DDX60L: variants seen among roughly 807,000 people sequenced by gnomAD.
DDX60L encodes DExD/H-box 60 like.
A neutral mutation model predicts 211.6 loss-of-function variants in DDX60L; 191 were observed. That is an observed-to-expected ratio of 0.90 (90% confidence interval 0.80 to 1.02). The LOEUF is 1.02. DDX60L is among the 50% of genes least tolerant of loss of function. The probability of loss-of-function intolerance (pLI) is 0.00; values close to 1 mark genes in which losing one functional copy is unlikely to be tolerated. For missense variants in DDX60L, 2,007 were observed against 1,984.1 expected, an observed-to-expected ratio of 1.01 and a Z score of -0.22; for synonymous variants, 706 against 694.1, an observed-to-expected ratio of 1.02 and a Z score of -0.27.
intron 28 of DDX60L, among the ~76,000 whole-genome samples, chr4:168,392,512 C>T (rs1328624592): frequency 1.3e-5 from 2 of 152,048 alleles, no homozygotes; most frequent in Non-Finnish European, 2.9e-5. Context: ...AATCACCAAA[C>T]TTTAGAATTT....
chr4:168,376,888 T>A (rs1742040822), intron 33 of DDX60L, among the ~76,000 whole-genome samples: 1 of 152,232 alleles, frequency 6.6e-6, no homozygotes, highest in South Asian at 2.1e-4. Context: ...TCTTTGCTAA[T>A]TGACTAATAT....
chr4:168,398,417 T>C (rs62334115), intron 26 of DDX60L, among the ~76,000 whole-genome samples: 1,601 of 152,180 alleles, frequency 0.011, 11 homozygotes, highest in Middle Eastern at 0.02. Flanking sequence ...GAGGCCAAAG[T>C]GGGGGCTAAG....
At chr4:168,479,102 C>T (rs948753371) in intron 1 of DDX60L, among the ~76,000 whole-genome samples, 2 of 149,892 alleles carry the variant, frequency 1.3e-5, no homozygotes, top group Non-Finnish European at 2.9e-5. Flanking sequence ...GATGGATGGA[C>T]GGATGGTTGG....
chr4:168,404,128 A>AT lies in DDX60L; in HGVS notation c.3214-23dup, dbSNP rs758878160. 6.2e-5 allele frequency: 77 copies of AT among 1,234,700 alleles called. No individual in the cohort carries two copies. The African/African-American group carries it at 9.0e-4, about 14-fold the overall frequency. The allele number at this position is 1,234,700 out of a possible 1,614,324, so 76.5% of individuals were successfully genotyped here. On this transcript the variant is annotated intron_variant, in intron 24 of 37. Transcript: ENST00000682922. ...TGACCTACAACAGTAAGTAAAAATT[A>AT]TTTAAAAAAAAAAAAAGAATTTGTG... is the stretch of plus-strand genomic sequence containing the variant.
intron 7 of DDX60L, among the ~76,000 whole-genome samples, chr4:168,455,627 C>T (rs938811575): frequency 6.6e-6 from 1 of 152,078 alleles, no homozygotes; most frequent in African/African-American, 2.4e-5. Context: ...TGTAAGATTA[C>T]ATGGTGTCAG....
Position 168,394,455 on chromosome 4 carries a change from AT to A in DDX60L, c.3810+9del. ...AACTTTATTTTTTAAATGCAAAGAA[AT>A]TTACCTACCCTAATAAGCCCTTTTA... is the stretch of plus-strand genomic sequence containing the variant. On this transcript the variant is annotated intron_variant, in intron 28 of 37. Transcript: ENST00000682922. 4 of 1,584,472 alleles carry A rather than the reference AT, an allele frequency of 2.5e-6. No individual in the cohort carries two copies. The highest frequency in any genetic ancestry group is 3.4e-6 in the Non-Finnish European group (4 of 1,169,406).
rs775578629 is a variant in DDX60L, at chr4:168,427,308, G to C, written c.1692C>G (p.His564Gln). 1.9e-6 allele frequency: 3 copies of C among 1,612,882 alleles called. No individual in the cohort carries two copies. The highest frequency in any genetic ancestry group is 2.5e-6 in the Non-Finnish European group (3 of 1,179,690). The change falls in exon 14 of 38, where the codon CAC (histidine) becomes CAG (glutamine). Residue 564 changes from histidine to glutamine, a missense_variant. By Grantham distance (24) the His-to-Gln change is conservative (BLOSUM62 0). Coordinates refer to ENST00000682922, the MANE Select transcript of DDX60L (RefSeq NM_001012967.3). ...TTTTCTTACTCTTTTTGGTAATTTG[G>C]TGGGGTTTGGTATTCTGCTCAATAA... ...SGEILQNTKP[H>Q]QITKKSKKKS...
Position 168,432,486 on chromosome 4 carries a change from G to A in DDX60L, c.1485C>T (p.Asp495=), listed in dbSNP as rs768094356. 28 of 1,575,042 alleles carry A rather than the reference G, an allele frequency of 1.8e-5. No homozygotes were observed. Among genetic ancestry groups the A allele is most frequent in the South Asian group, 1.2e-4 (10 of 85,384 alleles). ...LHWHAQRLLS[D]DYDRIKCHVD... ...CATGACATTTGATCCTGTCATAGTC[G>A]TCACTAAGGAGTCTTTGAGCATGCC... Residue 495 remains aspartate (D), a synonymous_variant, in exon 12 of 38, where the codon GAC becomes GAT. Transcript: ENST00000682922.
chr4:168,405,473 A>G (rs1462014047), intron 24 of DDX60L, among the ~76,000 whole-genome samples: 1 of 152,206 alleles, frequency 6.6e-6, no homozygotes, highest in Non-Finnish European at 1.5e-5. Flanking sequence ...AATTTGCCTG[A>G]GCCTCTTTCA....
chr4:168,437,744 G>C (rs1258629344), intron 10 of DDX60L, among the ~76,000 whole-genome samples: 1 of 152,188 alleles, frequency 6.6e-6, no homozygotes, highest in African/African-American at 2.4e-5. Context: ...CACCCTATAG[G>C]TCACTATGAC....
chr4:168,471,577 G>C (rs557673094), intron 4 of DDX60L, 170 bp downstream of exon 4: 5 of 484,342 alleles, frequency 1.0e-5, no homozygotes, highest in Non-Finnish European at 1.8e-5. Context: ...AAAAAATAAA[G>C]AATGGTTATC....
chr4:168,361,311 T>A, intron 36 of DDX60L, 100 bp from the exon 37 acceptor site: 2 of 720,264 alleles, frequency 2.8e-6, no homozygotes, highest in Non-Finnish European at 4.7e-6. Flanking sequence ...AGTTAATTTA[T>A]CTGCCAAATG....
Position 168,416,683 on chromosome 4 carries a change from TG to T in DDX60L, c.2724del (p.Lys909SerfsTer6). 6.3e-7 allele frequency: 1 copy of T among 1,583,116 alleles called. No individual in the cohort carries two copies. Among genetic ancestry groups the T allele is most frequent in the Non-Finnish European group, 8.6e-7 (1 of 1,162,940 alleles). The stretch of plus-strand genomic sequence containing the variant: ...ACCACTCTTTTTACCTATACCTACT[TG>T]GTGAGAAGATTTGGGTTATTTATGG... Reference protein sequence around the residue: ...SATINNPNLLTKWLQSVKQYW... With the variant: ...SATINNPNLLXKWLQSVKQYW... On this transcript the variant is annotated frameshift_variant and splice_region_variant, in exon 20 of 38. Coordinates refer to ENST00000682922, the MANE Select transcript of DDX60L (RefSeq NM_001012967.3). LOFTEE classifies it high-confidence loss of function.
At position 168,471,909 on chromosome 4, in the gene DDX60L, C is replaced by T; in HGVS notation, c.102G>A (p.Val34=). The change falls in exon 4 of 38, where the codon GTG becomes GTA. Residue 34 remains valine, a synonymous_variant. Transcript: ENST00000682922. ...CATCAATCACAAAAAAATTAGATTC[C>T]ACAAAATCATTTAATATGCTGGAAT... ...AGYSSILNDF[V]ESNFFVIDGD... is the part of the protein sequence containing the mutation. 2 of 1,607,540 alleles carry T rather than the reference C, an allele frequency of 1.2e-6. No homozygotes were observed. Among genetic ancestry groups the T allele is most frequent in the Non-Finnish European group, 1.7e-6 (2 of 1,178,030 alleles).
chr4:168,472,913 G>A, intron 1 of DDX60L, 104 bp from the exon 2 acceptor site: 1 of 553,028 alleles, frequency 1.8e-6, no homozygotes, highest in South Asian at 2.5e-5. Context: ...TAGTAAATAA[G>A]CAAAGATTGA....
At chr4:168,471,589 C>A in intron 4 of DDX60L, 158 bp downstream of exon 4, 1 of 531,836 alleles carries the variant, frequency 1.9e-6, no homozygotes, top group Non-Finnish European at 3.2e-6. Flanking sequence ...ATGGTTATCT[C>A]TGAGTAGTGA....
intron 29 of DDX60L, 68 bp from the exon 30 acceptor site, chr4:168,384,880 A>G: frequency 1.4e-6 from 2 of 1,435,302 alleles, no homozygotes; most frequent in Non-Finnish European, 1.9e-6. Flanking sequence ...CCAAAGATTT[A>G]TGACTTTACA....
intron 4 of DDX60L, among the ~76,000 whole-genome samples, chr4:168,466,649 G>C (rs1355690270): frequency 6.6e-6 from 1 of 152,198 alleles, no homozygotes; most frequent in Non-Finnish European, 1.5e-5. Flanking sequence ...TTTCTGACCA[G>C]TCCCCTCCTG....
intron 22 of DDX60L, among the ~76,000 whole-genome samples, chr4:168,415,095 T>C (rs532536577): frequency 3.3e-5 from 5 of 152,030 alleles, no homozygotes; most frequent in South Asian, 2.1e-4. Context: ...ATAATTACCA[T>C]TGTGTATCCA....
Sources: gnomAD v4.1 joint callset for allele counts (sites outside exome capture counted in the v4.1 genomes callset) on GRCh38, gnomAD v4.1.1 for gene constraint, MANE v1.5 for transcripts, NCBI Gene and HGNC (gene_info 2026-07-23, HGNC 2026-07-21) for gene names.